ROPN1B: variants seen among roughly 807,000 people sequenced by gnomAD.
ROPN1B encodes the protein rhophilin associated tail protein 1B.
A neutral mutation model predicts 23.7 loss-of-function variants in ROPN1B; 13 were observed. The ratio of observed to expected loss-of-function variants is 0.55; its 90% CI spans 0.36 to 0.87. ROPN1B has a LOEUF of 0.87. ROPN1B is among the 40% of genes least tolerant of loss of function. The pLI is 0.01. For synonymous variants in ROPN1B, 67 were observed against 100.4 expected (o/e 0.67, Z 1.99); for missense variants, 183 against 249.2 (o/e 0.73, Z 1.79).
At chr3:125,981,063 T>C (rs910185231) in intron 5 of ROPN1B, among the ~76,000 whole-genome samples, 1 of 152,186 alleles carries the variant, frequency 6.6e-6, no homozygotes, top group Non-Finnish European at 1.5e-5. Context: ...TTATTGAAGA[T>C]TCTGTTTCAT....
At chr3:125,974,875 C>T (rs1938348192) in intron 3 of ROPN1B, among the ~76,000 whole-genome samples, 2 of 152,224 alleles carry the variant, frequency 1.3e-5, no homozygotes, top group South Asian at 4.1e-4. Context: ...GCACAGTGCC[C>T]TGCCAACCCT....
rs1248715573 is a variant in ROPN1B at position 125,969,253 on chromosome 3, C to G, written c.-206C>G. The G allele has an allele frequency of 2.7e-5, 1 of 36,792 alleles. No homozygotes were observed. The highest frequency in any genetic ancestry group is 4.9e-5 in the Non-Finnish European group (1 of 20,520). The allele number at this position is 36,792 out of a possible 1,614,324, so 2.3% of individuals were successfully genotyped here. A position where few individuals can be genotyped will look rare whatever the true frequency, so the allele number is the denominator to read the frequency against. On this transcript the variant is annotated 5_prime_UTR_variant, in exon 1 of 7. Coordinates refer to ENST00000514116, the MANE Select transcript of ROPN1B (RefSeq NM_001308313.2). ...CGTGCCCCGCCGCTGCTGTCACCCC[C>G]GGCCGCTGCTGCCCTCCCCGCCGAG...
Position 125,977,297 on chromosome 3 carries a change from T to C in ROPN1B, c.396+132T>C, listed in dbSNP as rs1938455299. The C allele has an allele frequency of 2.1e-6, 3 of 1,426,922 alleles. No homozygotes were observed. The South Asian group carries it at 3.5e-5, about 17-fold the overall frequency. 88.4% of individuals were successfully genotyped at this position (1,426,922 alleles called of 1,614,324 possible). On this transcript the variant is annotated intron_variant, in intron 5 of 6. Transcript: ENST00000514116. ...CATGCCTCTTCTCCTATTGTCCTTC[T>C]CCTCTCTAAAGCAAGGTCATTTCTG...
At position 125,975,663 on chromosome 3, in the gene ROPN1B, A is replaced by G. The variant is rs746151353; in HGVS notation, c.217A>G (p.Lys73Glu). The G allele has an allele frequency of 3.1e-6, 5 of 1,613,796 alleles. No homozygotes were observed. Among genetic ancestry groups the G allele is most frequent in the Non-Finnish European group, 4.2e-6 (5 of 1,179,866 alleles). Residue 73 changes from lysine (K) to glutamate (E), a missense_variant, in exon 4 of 7, where the codon AAG becomes GAG. Lys to Glu is a moderately conservative substitution (Grantham distance 56, BLOSUM62 1). Coordinates refer to ENST00000514116, the MANE Select transcript of ROPN1B (RefSeq NM_001308313.2). ...NWAELTPELLKILHSQVAGRL... is the reference protein window; with the variant it reads ...NWAELTPELLEILHSQVAGRL... ...GGCAGAGCTAACACCTGAGCTGTTA[A>G]AGATCCTGCATTCTCAGGTAAGGGC...
At position 125,978,932 on chromosome 3, in the gene ROPN1B, T is replaced by C. The variant is rs562681484; in HGVS notation, c.396+1767T>C. Among the ~76,000 whole-genome samples, 12 of 151,976 alleles carry C rather than the reference T, an allele frequency of 7.9e-5. No homozygotes were observed. The East Asian group carries it at 2.3e-3, about 30-fold the overall frequency. The stretch of plus-strand genomic sequence containing the variant: ...GCCCACCGTGTAGATGCTAAGTTTC[T>C]TCTGATGTACCTGCCTCCCAAACTA... On this transcript the variant is annotated intron_variant, in intron 5 of 6. Coordinates refer to ENST00000514116, the MANE Select transcript of ROPN1B (RefSeq NM_001308313.2).
At chr3:125,976,537 C>G (rs1938421417) in intron 4 of ROPN1B, among the ~76,000 whole-genome samples, 1 of 152,202 alleles carries the variant, frequency 6.6e-6, no homozygotes, top group African/African-American at 2.4e-5. Flanking sequence ...CCTGGGAAAG[C>G]ATGAGGGATG....
Position 125,983,352 on chromosome 3 carries a change from A to G in ROPN1B, c.*32A>G. ...AATTTTGGCAATTTTAAAGGAAGAT[A>G]CAGAGGTGATTGTACTTCAGAATGA... On this transcript the variant is annotated 3_prime_UTR_variant, in exon 7 of 7. Transcript: ENST00000514116. 2.0e-6 allele frequency: 3 copies of G among 1,481,298 alleles called. No individual in the cohort carries two copies. The allele number at this position is 1,481,298 out of a possible 1,614,324, so 91.8% of individuals were successfully genotyped here.
chr3:125,982,744 G>T (rs547923100), intron 6 of ROPN1B, among the ~76,000 whole-genome samples: 17 of 152,340 alleles, frequency 1.1e-4, no homozygotes, highest in African/African-American at 4.1e-4. Flanking sequence ...ACTGTTAGGG[G>T]TGGAGCCCAG....
intron 4 of ROPN1B, chr3:125,976,770 G>C: frequency 1.4e-6 from 1 of 719,662 alleles, no homozygotes; most frequent in African/African-American, 1.7e-5. Flanking sequence ...TATATCTTTT[G>C]CATAATTCTG....
At position 125,972,099 on chromosome 3, in the gene ROPN1B, G is replaced by C; in HGVS notation, c.45G>C (p.Pro15=). The change falls in exon 3 of 7, where the codon CCG becomes CCC. Residue 15 remains proline, a synonymous_variant. Coordinates refer to ENST00000514116, the MANE Select transcript of ROPN1B (RefSeq NM_001308313.2). Reference sequence around the variant, plus strand: ...CAACATGCATCCCGCCGGAGCTGCCGAAAATGCTGAAGGAGTTTGCCAAAG... The same window carrying C: ...CAACATGCATCCCGCCGGAGCTGCCCAAAATGCTGAAGGAGTTTGCCAAAG... ...DKPTCIPPEL[P]KMLKEFAKAA... is the part of the protein sequence containing the mutation. 2 of 1,614,208 alleles carry C rather than the reference G, an allele frequency of 1.2e-6. No homozygotes were observed. Among genetic ancestry groups the C allele is most frequent in the Non-Finnish European group, 8.5e-7 (1 of 1,180,032 alleles).
In ROPN1B at chr3:125,982,152, A is replaced by G. The variant is rs1580352052; in HGVS notation, c.397-118A>G. The G allele has an allele frequency of 1.1e-5, 9 of 809,902 alleles. No individual in the cohort carries two copies. In the East Asian group the frequency reaches 2.1e-4, roughly 19 times the overall value. The allele number at this position is 809,902 out of a possible 1,614,324, so 50.2% of individuals were successfully genotyped here. On this transcript the variant is annotated intron_variant, in intron 5 of 6. Coordinates refer to ENST00000514116, the MANE Select transcript of ROPN1B (RefSeq NM_001308313.2). ...AATTTCAAGCTTTCTAGAATCTTAA[A>G]TTGTTCCCACTTCATTTTATAAGAG... is the stretch of plus-strand genomic sequence containing the variant.
chr3:125,971,363 G>A lies in ROPN1B; in HGVS notation c.-13+201G>A, dbSNP rs1253262266. ...TAGTCTGTCCCTTTCTCTACTAAAA[G>A]CAGAAAAAAATCTTTTGATCTGTTG... is the stretch of plus-strand genomic sequence containing the variant. On this transcript the variant is annotated intron_variant, in intron 2 of 6. Transcript: ENST00000514116. Among the ~76,000 whole-genome samples, 3 of 152,014 alleles carry A rather than the reference G, an allele frequency of 2.0e-5. No individual in the cohort carries two copies. In the East Asian group the frequency reaches 5.8e-4, roughly 29 times the overall value.
intron 2 of ROPN1B, among the ~76,000 whole-genome samples, chr3:125,971,810 T>G (rs538353898): frequency 6.6e-6 from 1 of 152,194 alleles, no homozygotes; most frequent in African/African-American, 2.4e-5. Flanking sequence ...TTCCACTTTT[T>G]AAATAAAAAA....
intron 6 of ROPN1B, 144 bp from the exon 7 acceptor site, chr3:125,983,110 G>A: frequency 3.1e-6 from 2 of 644,772 alleles, no homozygotes; most frequent in Non-Finnish European, 5.5e-6. Flanking sequence ...CTGGACGACA[G>A]AGCCAGACCC....
intron 3 of ROPN1B, chr3:125,972,391 C>G: frequency 1.7e-6 from 1 of 586,684 alleles, no homozygotes; most frequent in African/African-American, 1.9e-5. Context: ...CCAGATTGAG[C>G]AGTAGGACGC....
intron 3 of ROPN1B, chr3:125,972,840 T>C (rs1938266827): frequency 2.5e-6 from 1 of 395,248 alleles, no homozygotes; most frequent in African/African-American, 2.1e-5. Context: ...GATGGGGTCC[T>C]CAGGCATGGC....
chr3:125,975,054 G>A (rs1231662863), intron 3 of ROPN1B, among the ~76,000 whole-genome samples: 94 of 151,818 alleles, frequency 6.2e-4, no homozygotes, highest in African/African-American at 1.8e-3. Context: ...ATTATAGTTC[G>A]CTGCCTCCTC....
rs1355034637 is a variant in ROPN1B, at chr3:125,972,159, G to GC, written c.105_106insC (p.Trp36LeufsTer7). The GC allele has an allele frequency of 1.2e-6, 2 of 1,614,116 alleles. No homozygotes were observed. The highest frequency in any genetic ancestry group is 3.3e-5 in the Admixed American group (2 of 60,010). On this transcript the variant is annotated frameshift_variant, in exon 3 of 7. Coordinates refer to ENST00000514116, the MANE Select transcript of ROPN1B (RefSeq NM_001308313.2). LOFTEE classifies it high-confidence loss of function. ...GGGCGCAGCCGCAGGACCTCATCCAGTGGGGGGCCGAGTACGTGCTCCTTT... is the reference window on the plus strand; with the variant it reads ...GGGCGCAGCCGCAGGACCTCATCCAGCTGGGGGGCCGAGTACGTGCTCCTTT...
intron 5 of ROPN1B, among the ~76,000 whole-genome samples, chr3:125,981,832 C>T (rs1480360964): frequency 6.6e-6 from 1 of 152,140 alleles, no homozygotes; most frequent in Non-Finnish European, 1.5e-5. Flanking sequence ...GGGAAATTAT[C>T]CTTCTCTTAC....
Sources: allele counts gnomAD v4.1 joint callset (sites outside exome capture counted in the v4.1 genomes callset), GRCh38; gene constraint gnomAD v4.1.1; transcripts MANE v1.5; gene names NCBI Gene and HGNC (gene_info 2026-07-23, HGNC 2026-07-21).